The following ASTN1 variants were observed in gnomAD, a reference collection of about 807,000 sequenced individuals.
ASTN1 encodes astrotactin-1.
Under a neutral mutation model 140.7 loss-of-function variants are expected in ASTN1, and 41 were observed. The observed-to-expected ratio is 0.29, with a 90% confidence interval of 0.23 to 0.38. The LOEUF (loss-of-function observed/expected upper bound fraction) is 0.38, where lower values mean the gene tolerates loss of function less well. ASTN1 is among the 10% of genes least tolerant of loss of function. The pLI is 1.00. For synonymous variants in ASTN1, 640 were observed against 652.2 expected (o/e 0.98, Z 0.29); for missense variants, 1,479 against 1,678.8 (o/e 0.88, Z 2.08).
intron 2 of ASTN1, among the ~76,000 whole-genome samples, chr1:177,033,123 CTGTG>C (rs10603141): frequency 0.031 from 4,561 of 146,174 alleles, 206 homozygotes; most frequent in African/African-American, 0.11. Flanking sequence ...AGAAACAAGT[CTGTG>C]TGTGTGTGTG....
chr1:176,991,453 A>G (rs228007), intron 8 of ASTN1, among the ~76,000 whole-genome samples: 75,498 of 142,156 alleles, frequency 0.53, 19,417 homozygotes, highest in African/African-American at 0.56. Context: ...AAAAAAAAAA[A>G]AAAAACCAAC....
In ASTN1 at chr1:176,894,667, CA is replaced by C. The variant is rs1669422648; in HGVS notation, c.2834del (p.Leu945ArgfsTer4). The C allele has an allele frequency of 6.2e-7, 1 of 1,613,998 alleles. No homozygotes were observed. Among genetic ancestry groups the C allele is most frequent in the African/African-American group, 1.3e-5 (1 of 74,922 alleles). ...SKGRCPSSCPLCHVTSSPDTP... is the reference protein window; with the variant it reads ...SKGRCPSSCPXCHVTSSPDTP... ...TGTCAGGGCTGGATGTCACATGACA[CA>C]GGGGGCAGGACGAGGGGCATCGTCC... On this transcript the variant is annotated frameshift_variant, in exon 17 of 23. Transcript: ENST00000361833. LOFTEE classifies it high-confidence loss of function.
chr1:177,053,360 G>T (rs1226669905), intron 2 of ASTN1, among the ~76,000 whole-genome samples: 1 of 152,148 alleles, frequency 6.6e-6, no homozygotes, highest in African/African-American at 2.4e-5. Flanking sequence ...GTAGCATAAG[G>T]CCTCTGTGAA....
At chr1:177,124,505 G>T (rs1452747516) in intron 1 of ASTN1, among the ~76,000 whole-genome samples, 1 of 152,150 alleles carries the variant, frequency 6.6e-6, no homozygotes. Flanking sequence ...GCTTCATGGC[G>T]CTTTGGCTAA....
chr1:176,981,554 C>A (rs1673621777), intron 8 of ASTN1: 1 of 152,318 alleles, frequency 6.6e-6, no homozygotes, highest in Non-Finnish European at 1.5e-5. Flanking sequence ...AGGGAGAATG[C>A]CACAAGAAGA....
At chr1:176,958,155 C>A (rs1386632117) in intron 10 of ASTN1, among the ~76,000 whole-genome samples, 190 bp downstream of exon 10, 1 of 152,150 alleles carries the variant, frequency 6.6e-6, no homozygotes, top group Non-Finnish European at 1.5e-5. Flanking sequence ...AGTGAATGAG[C>A]CTTGGGATGT....
chr1:176,899,985 T>C (rs950694244), intron 16 of ASTN1, among the ~76,000 whole-genome samples: 5 of 152,210 alleles, frequency 3.3e-5, no homozygotes, highest in African/African-American at 9.6e-5. Flanking sequence ...GAACTATGTC[T>C]TTTTTACCTT....
chr1:177,105,580 T>C (rs1288856100), intron 1 of ASTN1, among the ~76,000 whole-genome samples: 4 of 151,660 alleles, frequency 2.6e-5, no homozygotes, highest in Admixed American at 1.3e-4. Flanking sequence ...CCACCATAAC[T>C]AACATGGTCA....
At chr1:177,133,716 T>C (rs1017540449) in intron 1 of ASTN1, among the ~76,000 whole-genome samples, 1 of 152,234 alleles carries the variant, frequency 6.6e-6, no homozygotes, top group Non-Finnish European at 1.5e-5. Context: ...AGGGTGGGAA[T>C]AAACAAGTTC....
At chr1:177,125,425 C>T (rs1023444060) in intron 1 of ASTN1, among the ~76,000 whole-genome samples, 1 of 152,122 alleles carries the variant, frequency 6.6e-6, no homozygotes, top group Non-Finnish European at 1.5e-5. Flanking sequence ...GAATTAAATG[C>T]TAATAGATGA....
At chr1:177,044,206 C>A (rs1315076170) in intron 2 of ASTN1, among the ~76,000 whole-genome samples, 1 of 149,734 alleles carries the variant, frequency 6.7e-6, no homozygotes, top group Non-Finnish European at 1.5e-5. Context: ...CACACACATA[C>A]ACACACACCC....
intron 1 of ASTN1, among the ~76,000 whole-genome samples, chr1:177,108,347 C>CAAAAAAAAAAAAAAA (rs71129596): frequency 4.1e-5 from 4 of 98,596 alleles, no homozygotes; most frequent in African/African-American, 4.1e-5. Context: ...GACTCCGTCT[C>CAAAAAAAAAAAAAAA]AAAAAAAAAA....
intron 16 of ASTN1, among the ~76,000 whole-genome samples, chr1:176,906,523 G>A (rs1442552096): frequency 6.6e-6 from 1 of 152,134 alleles, no homozygotes; most frequent in African/African-American, 2.4e-5. Context: ...TTAGTGGCAT[G>A]GGACAGGGGA....
chr1:177,099,109 TC>T (rs1226305609), intron 1 of ASTN1, among the ~76,000 whole-genome samples: 1 of 152,106 alleles, frequency 6.6e-6, no homozygotes, highest in Non-Finnish European at 1.5e-5. Flanking sequence ...TTAAGCAACA[TC>T]AATTCTCAAC....
intron 6 of ASTN1, 83 bp downstream of exon 6, chr1:177,024,500 C>A: frequency 6.6e-7 from 1 of 1,517,272 alleles, no homozygotes; most frequent in Non-Finnish European, 9.0e-7. Flanking sequence ...GTAACAGTGA[C>A]TCCTGTCTTC....
In ASTN1 at chr1:176,889,195, C is replaced by T. The variant is rs545125742; in HGVS notation, c.2941-991G>A. ...TAATAGGGCCAGTCCCTGGTGGCGA[C>T]GTGGATCCTGATGGAGTACTGACCC... is the stretch of plus-strand genomic sequence containing the variant. On this transcript the variant is annotated intron_variant, in intron 17 of 22. Coordinates refer to ENST00000361833, the MANE Select transcript of ASTN1 (RefSeq NM_004319.3). 9.9e-5 allele frequency among the ~76,000 whole-genome samples: 15 copies of T among 152,278 alleles called. No individual in the cohort carries two copies. The South Asian group carries it at 2.9e-3, about 29-fold the overall frequency.
chr1:177,148,592 G>A (rs1682825637), intron 1 of ASTN1, among the ~76,000 whole-genome samples: 1 of 151,404 alleles, frequency 6.6e-6, no homozygotes, highest in Non-Finnish European at 1.5e-5. Flanking sequence ...GGCCTTTGAA[G>A]GCACCCAACT....
intron 13 of ASTN1, among the ~76,000 whole-genome samples, chr1:176,944,704 T>C (rs1310864174): frequency 6.6e-6 from 1 of 152,186 alleles, no homozygotes; most frequent in Non-Finnish European, 1.5e-5. Flanking sequence ...TGAAAAGATC[T>C]ACCAAAAGGG....
At chr1:177,018,870 G>A (rs940320463) in intron 7 of ASTN1, among the ~76,000 whole-genome samples, 1 of 152,200 alleles carries the variant, frequency 6.6e-6, no homozygotes, top group Non-Finnish European at 1.5e-5. Context: ...GATCCAGGGA[G>A]CATTAAGCCA....
Sources: allele counts gnomAD v4.1 joint callset (sites outside exome capture counted in the v4.1 genomes callset), GRCh38; gene constraint gnomAD v4.1.1; transcripts MANE v1.5; gene names NCBI Gene and HGNC (gene_info 2026-07-23, HGNC 2026-07-21).